The following ERICH2 variants were observed in gnomAD, a reference collection of about 807,000 sequenced individuals.
The protein encoded by ERICH2 is glutamate-rich protein 2.
ERICH2 carries 17 observed loss-of-function variants against 17.4 expected under a neutral mutation model. The ratio of observed to expected loss-of-function variants is 0.98; its 90% CI spans 0.67 to 1.47. The LOEUF (loss-of-function observed/expected upper bound fraction) is 1.47, where lower values mean the gene tolerates loss of function less well. Ranked by LOEUF, ERICH2 falls within the 40% of genes most tolerant of loss-of-function variation. ERICH2 has a pLI of 0.00. For missense variants in ERICH2, 186 were observed against 183.2 expected, an observed-to-expected ratio of 1.01 and a Z score of -0.09; for synonymous variants, 51 against 61.1, an observed-to-expected ratio of 0.83 and a Z score of 0.77.
chr2:170,771,729 C>T, the ERICH2 span, among the ~76,000 whole-genome samples: 1 of 152,322 alleles, frequency 6.6e-6, no homozygotes, highest in Admixed American at 6.5e-5. The surrounding 1 kb of genome is among the most constrained non-coding windows in gnomAD (Gnocchi z 4.8). Flanking sequence ...ATTCCCGGGC[C>T]TTATTCTCAT....
At chr2:170,780,681 A>G (rs1447574514), upstream of ERICH2, among the ~76,000 whole-genome samples, 1 of 152,156 alleles carries the variant, frequency 6.6e-6, no homozygotes, top group African/African-American at 2.4e-5. Context: ...TTTACAATCA[A>G]TGTCATCTTA....
chr2:170,781,631 TAAAA>T (rs59729388), upstream of ERICH2, among the ~76,000 whole-genome samples: 7 of 127,114 alleles, frequency 5.5e-5, no homozygotes, highest in Non-Finnish European at 3.3e-5. Flanking sequence ...AGACTTGGTC[TAAAA>T]AAAAAAAAAA....
chr2:170,788,940 CTTCTTTCT>C (rs67359646), intron 2 of ERICH2, among the ~76,000 whole-genome samples: 20 of 150,558 alleles, frequency 1.3e-4, no homozygotes, highest in Non-Finnish European at 2.1e-4. Context: ...TATTCTTCTT[CTTCTTTCT>C]TTCTTTCTTT....
chr2:170,780,789 A>C (rs556049658), upstream of ERICH2, among the ~76,000 whole-genome samples: 1 of 152,356 alleles, frequency 6.6e-6, no homozygotes, highest in African/African-American at 2.4e-5. Context: ...GAAATACTTT[A>C]ATTCAGGGAA....
intron 2 of ERICH2, among the ~76,000 whole-genome samples, chr2:170,791,793 G>A (rs921016958): frequency 6.6e-6 from 1 of 151,862 alleles, no homozygotes; most frequent in Non-Finnish European, 1.5e-5. Flanking sequence ...AAAAATCTCC[G>A]GAAGAGTTAT....
chr2:170,777,888 AAGTAT>A, the ERICH2 span: 1 of 392,260 alleles, frequency 2.5e-6, no homozygotes. Flanking sequence ...AAAAATGCAG[AAGTAT>A]AGATAATATT....
intron 2 of ERICH2, among the ~76,000 whole-genome samples, chr2:170,789,945 A>G (rs1575409527): frequency 6.6e-6 from 1 of 151,404 alleles, no homozygotes; most frequent in Non-Finnish European, 1.5e-5. Flanking sequence ...GTGTGTGGTG[A>G]TACTGGTGGA....
At chr2:170,785,241 C>A (rs1559252587) in intron 2 of ERICH2, among the ~76,000 whole-genome samples, 1 of 151,806 alleles carries the variant, frequency 6.6e-6, no homozygotes, top group Non-Finnish European at 1.5e-5. Flanking sequence ...AAAATGTATA[C>A]AATATTATAT....
At chr2:170,777,445 GA>G in the ERICH2 span, 3 of 1,211,226 alleles carry the variant, frequency 2.5e-6, no homozygotes, top group Non-Finnish European at 3.1e-6. Context: ...TTATTACTTT[GA>G]AAGAATATGT....
chr2:170,781,007 C>T (rs767924406), upstream of ERICH2, among the ~76,000 whole-genome samples: 5 of 152,146 alleles, frequency 3.3e-5, no homozygotes, highest in Non-Finnish European at 7.4e-5. Flanking sequence ...AGAGGCAGAA[C>T]AAATGTAAAT....
intron 2 of ERICH2, among the ~76,000 whole-genome samples, chr2:170,787,678 C>A (rs1157964437): frequency 6.6e-6 from 1 of 152,220 alleles, no homozygotes. Context: ...TTGTGAAACT[C>A]CCTCCTCTTT....
chr2:170,779,909 T>C (rs1700988298), upstream of ERICH2: 1 of 810,966 alleles, frequency 1.2e-6, no homozygotes, highest in African/African-American at 1.9e-5. Context: ...ATTAATTTTG[T>C]TTTTAGGCCC....
rs969333697 is a variant in ERICH2, at chr2:170,786,340, C to T, written c.216+1507C>T. ...TTTTTTTTAGGGCTTTGAACGGTTGCTTCATTGTCTCATAGCTTGCATAGT... is the reference window on the plus strand; with the variant it reads ...TTTTTTTTAGGGCTTTGAACGGTTGTTTCATTGTCTCATAGCTTGCATAGT... On this transcript the variant is annotated intron_variant, in intron 2 of 4. Transcript: ENST00000409885. Among the ~76,000 whole-genome samples, 3 of 151,696 alleles carry T rather than the reference C, an allele frequency of 2.0e-5. No individual in the cohort carries two copies. The East Asian group carries it at 5.8e-4, about 29-fold the overall frequency.
chr2:170,783,749 T>A (rs956509252), upstream of ERICH2: 46 of 1,531,030 alleles, frequency 3.0e-5, no homozygotes, highest in African/African-American at 5.8e-4. Context: ...TGTCCCTAAT[T>A]CCTCATTATG....
chr2:170,775,692 G>A, the ERICH2 span: 6 of 152,732 alleles, frequency 3.9e-5, no homozygotes, highest in South Asian at 4.1e-4. Context: ...AAAAGATGCC[G>A]TGCTGTTCTG....
intron 2 of ERICH2, among the ~76,000 whole-genome samples, chr2:170,792,161 C>G (rs1053647437): frequency 5.3e-5 from 8 of 151,986 alleles, no homozygotes; most frequent in Non-Finnish European, 8.8e-5. Flanking sequence ...AGAAAATGAT[C>G]ACAATCCATG....
chr2:170,780,761 T>C (rs559868216), upstream of ERICH2, among the ~76,000 whole-genome samples: 2 of 152,216 alleles, frequency 1.3e-5, no homozygotes, highest in Non-Finnish European at 2.9e-5. Flanking sequence ...ATAATAAACA[T>C]TGTATCTTAG....
At chr2:170,770,400 G>A in the ERICH2 span, among the ~76,000 whole-genome samples, 1 of 152,132 alleles carries the variant, frequency 6.6e-6, no homozygotes, top group East Asian at 1.9e-4. Context: ...CAGCTCTGGC[G>A]CTAGAGGGAA....
intron 2 of ERICH2, among the ~76,000 whole-genome samples, chr2:170,786,699 A>C (rs931262532): frequency 6.6e-6 from 1 of 151,790 alleles, no homozygotes; most frequent in African/African-American, 2.4e-5. Context: ...TTTTTTTCAT[A>C]TTTTTTTAGA....
Sources: allele counts gnomAD v4.1 joint callset (sites outside exome capture counted in the v4.1 genomes callset), GRCh38; gene constraint gnomAD v4.1.1; non-coding constraint Gnocchi (gnomAD v3.1); transcripts MANE v1.5; gene names NCBI Gene and HGNC (gene_info 2026-07-23, HGNC 2026-07-21).